Variants in SIK2 observed in about 807,000 individuals in gnomAD.
SIK2 encodes the protein serine/threonine-protein kinase SIK2.
A neutral mutation model predicts 103.2 loss-of-function variants in SIK2; 29 were observed. That is an observed-to-expected ratio of 0.28 (90% CI 0.21 to 0.38). SIK2 has a LOEUF of 0.38. Among genes scored for constraint, SIK2 ranks in the 10% least tolerant of loss-of-function variants. The pLI is 1.00. For synonymous variants in SIK2, 412 were observed against 446.1 expected (o/e 0.92, Z 0.96); for missense variants, 879 against 1,171.0 (o/e 0.75, Z 3.64).
rs754857866 is a variant in SIK2 at position 111,720,728 on chromosome 11, G to A, written c.1746G>A (p.Glu582=). 12 of 1,606,436 alleles carry A rather than the reference G, an allele frequency of 7.5e-6. No homozygotes were observed. In the East Asian group the frequency reaches 1.3e-4, roughly 18 times the overall value. The part of the protein sequence containing the change: ...VHNRSPVSFR[E]GRRASDTSLT... Reference sequence around the variant, plus strand: ...ACAGGTCTCCAGTGAGCTTCAGAGAGGGCCGCAGAGCATCAGATACCTCCC... The same window carrying A: ...ACAGGTCTCCAGTGAGCTTCAGAGAAGGCCGCAGAGCATCAGATACCTCCC... The change falls in exon 11 of 15, where the codon GAG becomes GAA. Residue 582 remains glutamate, a synonymous_variant. Transcript: ENST00000304987.
At chr11:111,686,649 C>A (rs1942850457) in intron 3 of SIK2, among the ~76,000 whole-genome samples, 2 of 152,158 alleles carry the variant, frequency 1.3e-5, no homozygotes, top group South Asian at 4.1e-4. Context: ...AAGATAATTT[C>A]AGAGGACTTT....
intron 2 of SIK2, among the ~76,000 whole-genome samples, chr11:111,618,525 C>G (rs1941838264): frequency 6.6e-6 from 1 of 151,896 alleles, no homozygotes; most frequent in African/African-American, 2.4e-5. Flanking sequence ...TCAGATTAGC[C>G]CAGTGCAGTG....
intron 4 of SIK2, among the ~76,000 whole-genome samples, chr11:111,699,933 T>G (rs1255817923): frequency 2.0e-5 from 3 of 152,228 alleles, no homozygotes; most frequent in Non-Finnish European, 4.4e-5. Context: ...CATGCAATGC[T>G]GTGCTCCAGC....
chr11:111,614,470 T>C (rs917828441), intron 1 of SIK2, among the ~76,000 whole-genome samples: 3 of 152,234 alleles, frequency 2.0e-5, no homozygotes, highest in African/African-American at 7.2e-5. Context: ...ATATTTTGTA[T>C]GTTACATGCA....
At position 111,720,626 on chromosome 11, in the gene SIK2, G is replaced by T. The variant is rs763697358; in HGVS notation, c.1644G>T (p.Met548Ile). Residue 548 changes from methionine to isoleucine, a missense_variant, in exon 11 of 15, where the codon ATG becomes ATT. Transcript: ENST00000304987. ...TAGCCAATCAGCCTTCACCCCGCAT[G>T]ACATCTCCCTTCATAAGCCTGAGAC... is the stretch of plus-strand genomic sequence containing the variant. Reference protein sequence around the residue: ...IMLANQPSPRMTSPFISLRPT... With the variant: ...IMLANQPSPRITSPFISLRPT... The T allele has an allele frequency of 1.2e-6, 2 of 1,614,058 alleles. No individual in the cohort carries two copies.
At chr11:111,703,095 T>C (rs539352364) in intron 6 of SIK2, 108 bp from the exon 7 acceptor site, 3 of 894,894 alleles carry the variant, frequency 3.4e-6, no homozygotes, top group Non-Finnish European at 5.2e-6. Context: ...TGCTTTCCAG[T>C]AGAGGATACA....
intron 4 of SIK2, among the ~76,000 whole-genome samples, chr11:111,692,435 G>A (rs1229793993): frequency 6.8e-6 from 1 of 147,780 alleles, no homozygotes; most frequent in African/African-American, 2.5e-5. Flanking sequence ...CGAGGCTGGG[G>A]TATCTGCCTC....
chr11:111,704,916 T>TG (rs1421533454), intron 7 of SIK2, 71 bp from the exon 8 acceptor site: 10 of 1,476,512 alleles, frequency 6.8e-6, no homozygotes, highest in African/African-American at 3.0e-5. Context: ...TCCTCTTTTT[T>TG]TTTAGGCATG....
rs904391554 is a variant in SIK2, at chr11:111,705,725, A to G, written c.1101+586A>G. Among the ~76,000 whole-genome samples, 3 of 152,226 alleles carry G rather than the reference A, an allele frequency of 2.0e-5. No homozygotes were observed. Among genetic ancestry groups the G allele is most frequent in the Non-Finnish European group, 2.9e-5 (2 of 68,040 alleles). Reference sequence around the variant, plus strand: ...GAATGCCAAGGTAAAGAGTTTACTTACAATTCAAGAAGCAACAAGGACCTA... The same window carrying G: ...GAATGCCAAGGTAAAGAGTTTACTTGCAATTCAAGAAGCAACAAGGACCTA... On this transcript the variant is annotated intron_variant, in intron 8 of 14. Coordinates refer to ENST00000304987, the MANE Select transcript of SIK2 (RefSeq NM_015191.3). The surrounding 1 kb of genome is among the most constrained non-coding windows in gnomAD (Gnocchi z 4.3).
intron 8 of SIK2, among the ~76,000 whole-genome samples, chr11:111,707,418 C>T (rs950745046): frequency 2.6e-5 from 4 of 152,092 alleles, no homozygotes; most frequent in Admixed American, 6.5e-5. Flanking sequence ...TTCTTATGTT[C>T]GATAATTTTT....
intron 1 of SIK2, among the ~76,000 whole-genome samples, chr11:111,614,249 A>G (rs1007447559): frequency 6.6e-6 from 1 of 151,916 alleles, no homozygotes; most frequent in Non-Finnish European, 1.5e-5. Context: ...ATGCCTAGCT[A>G]ATTTTTATGT....
chr11:111,685,609 C>G (rs1192046152), intron 3 of SIK2, among the ~76,000 whole-genome samples: 1 of 151,984 alleles, frequency 6.6e-6, no homozygotes, highest in African/African-American at 2.4e-5. Context: ...TTTGGGAGGC[C>G]AAGGCAGGAG....
Position 111,721,877 on chromosome 11 carries a change from C to G in SIK2, c.1992C>G (p.Ser664Arg). 6.2e-7 allele frequency: 1 copy of G among 1,612,908 alleles called. No individual in the cohort carries two copies. Among genetic ancestry groups the G allele is most frequent in the South Asian group, 1.1e-5 (1 of 90,954 alleles). The change falls in exon 13 of 15, where the codon AGC (serine) becomes AGG (arginine). Residue 664 changes from serine (S) to arginine (R), a missense_variant. Transcript: ENST00000304987. The stretch of plus-strand genomic sequence containing the variant: ...AAAGCGTCTCCACTCTCCCTGCCAG[C>G]GTGCATCCCCAGCTGTCCCCACGGC... ...QQESVSTLPA[S>R]VHPQLSPRQS...
intron 3 of SIK2, among the ~76,000 whole-genome samples, chr11:111,648,631 A>AAT (rs1942289209): frequency 6.6e-6 from 1 of 151,792 alleles, no homozygotes; most frequent in Non-Finnish European, 1.5e-5. Flanking sequence ...TTATACATGA[A>AAT]ATATATATAT....
chr11:111,622,735 C>A (rs1422937232), intron 3 of SIK2, among the ~76,000 whole-genome samples: 1 of 152,200 alleles, frequency 6.6e-6, no homozygotes, highest in Admixed American at 6.5e-5. Flanking sequence ...GCTTCACTGT[C>A]TTCCCATTTG....
chr11:111,704,426 A>G (rs1477105741), intron 7 of SIK2, among the ~76,000 whole-genome samples: 4 of 152,208 alleles, frequency 2.6e-5, no homozygotes, highest in Non-Finnish European at 5.9e-5. Context: ...CAAGGTTTTA[A>G]GAGGGTGGGA....
chr11:111,645,217 G>C (rs1774420459), intron 3 of SIK2, among the ~76,000 whole-genome samples: 1 of 152,172 alleles, frequency 6.6e-6, no homozygotes, highest in Non-Finnish European at 1.5e-5. Flanking sequence ...CTATGACCCT[G>C]AAGTTTTACC....
intron 3 of SIK2, among the ~76,000 whole-genome samples, chr11:111,643,055 G>T (rs1258059629): frequency 6.6e-6 from 1 of 151,976 alleles, no homozygotes; most frequent in Non-Finnish European, 1.5e-5. Flanking sequence ...GTTAAAAGAG[G>T]CCTTTCTTTC....
Position 111,616,268 on chromosome 11 carries a change from C to G in SIK2, c.161C>G (p.Ser54Cys). The change falls in exon 2 of 15, where the codon TCT becomes TGT. Residue 54 changes from serine to cysteine, a missense_variant. Ser to Cys is a moderately radical substitution (Grantham distance 112). Around this residue, in one of 7 missense-constraint regions of SIK2, gnomAD observed 126 missense variants for 245.5 expected, o/e 0.51. Coordinates refer to ENST00000304987, the MANE Select transcript of SIK2 (RefSeq NM_015191.3). ...GTGGCAATAAAAATAATCGATAAGTCTCAGCTGGATGCAGTGAACCTTGAG... is the reference window on the plus strand; with the variant it reads ...GTGGCAATAAAAATAATCGATAAGTGTCAGCTGGATGCAGTGAACCTTGAG... ...TEVAIKIIDK[S>C]QLDAVNLEKI... 6.2e-7 allele frequency: 1 copy of G among 1,613,172 alleles called. No individual in the cohort carries two copies.
Sources: allele counts gnomAD v4.1 joint callset (sites outside exome capture counted in the v4.1 genomes callset), GRCh38; gene constraint gnomAD v4.1.1; regional missense constraint gnomAD v4.1.1; non-coding constraint Gnocchi (gnomAD v3.1); transcripts MANE v1.5; gene names NCBI Gene and HGNC (gene_info 2026-07-23, HGNC 2026-07-21).